Variants in ANKEF1 observed in about 807,000 individuals in gnomAD.
The protein encoded by ANKEF1 is ankyrin repeat and EF-hand domain-containing protein 1.
ANKEF1 carries 43 observed loss-of-function variants against 65.1 expected under a neutral mutation model. The ratio of observed to expected loss-of-function variants is 0.66; its 90% CI spans 0.52 to 0.85. ANKEF1 has a LOEUF of 0.85. Among genes scored for constraint, ANKEF1 ranks in the 40% least tolerant of loss-of-function variants. The probability of loss-of-function intolerance (pLI) is 0.00; values close to 1 mark genes in which losing one functional copy is unlikely to be tolerated. For missense variants in ANKEF1, 934 were observed against 952.9 expected (o/e 0.98, Z 0.26); for synonymous variants, 316 against 341.5 (o/e 0.93, Z 0.82).
intron 6 of ANKEF1, 120 bp downstream of exon 6, chr20:10,045,817 C>T (rs1489781499): frequency 4.4e-5 from 41 of 933,788 alleles, no homozygotes; most frequent in Non-Finnish European, 6.5e-5. Flanking sequence ...CAAAACCTCA[C>T]TCATATGTAG....
In ANKEF1 at chr20:10,044,500, G is replaced by A. The variant is rs1283409503; in HGVS notation, c.653G>A (p.Arg218Lys). 7 of 1,614,068 alleles carry A rather than the reference G, an allele frequency of 4.3e-6. No homozygotes were observed. The Admixed American group carries it at 8.3e-5, about 19-fold the overall frequency. ...GGEVNAFDNDRHHAAHFAAKG... is the reference protein window; with the variant it reads ...GGEVNAFDNDKHHAAHFAAKG... ...GAAGTGAATGCATTTGACAACGACA[G>A]GCATCACGCTGCTCATTTTGCTGCT... is the stretch of plus-strand genomic sequence containing the variant. The change falls in exon 5 of 11, where the codon AGG becomes AAG. Residue 218 changes from arginine (R) to lysine (K), a missense_variant. Physicochemically the swap from Arg to Lys is conservative, Grantham distance 26. Transcript: ENST00000378392.
intron 7 of ANKEF1, among the ~76,000 whole-genome samples, chr20:10,050,869 C>A (rs1232640573): frequency 6.6e-6 from 1 of 152,162 alleles, no homozygotes; most frequent in African/African-American, 2.4e-5. Context: ...GTCCCAAAAC[C>A]TGCTGCCCTC....
intron 5 of ANKEF1, 66 bp from the exon 6 acceptor site, chr20:10,045,508 C>A (rs1984465143): frequency 1.0e-5 from 16 of 1,533,984 alleles, no homozygotes; most frequent in Non-Finnish European, 1.4e-5. Context: ...GCCGGTCTAG[C>A]TGTCAGTCTT....
chr20:10,050,089 C>T lies in ANKEF1; in HGVS notation c.1520C>T (p.Ser507Phe). 1 of 1,614,116 alleles carries T rather than the reference C, an allele frequency of 6.2e-7. No individual in the cohort carries two copies. The highest frequency in any genetic ancestry group is 1.1e-5 in the South Asian group (1 of 91,088). Residue 507 changes from serine (S) to phenylalanine (F), a missense_variant, in exon 7 of 11, where the codon TCT becomes TTT. Physicochemically the swap from Ser to Phe is radical, Grantham distance 155. Coordinates refer to ENST00000378392, the MANE Select transcript of ANKEF1 (RefSeq NM_022096.6). ...ATCACCAAAGCAGGGGATCTGGCTTCTCTGAAAAAGGCCTTTGAATCAGGA... is the reference window on the plus strand; with the variant it reads ...ATCACCAAAGCAGGGGATCTGGCTTTTCTGAAAAAGGCCTTTGAATCAGGA... ...NIITKAGDLA[S>F]LKKAFESGIP...
rs1399070070 is a variant in ANKEF1 at position 10,054,548 on chromosome 20, G to A, written c.2121G>A (p.Leu707=). Reference sequence around the variant, plus strand: ...GTAATGTGGTTCATCTGAATTCATTGATTACCAGTGGTTATACTAAGAAAG... The same window carrying A: ...GTAATGTGGTTCATCTGAATTCATTAATTACCAGTGGTTATACTAAGAAAG... ...QKGNVVHLNS[L]ITSGYTKKVD... Residue 707 remains leucine (L), a synonymous_variant, in exon 10 of 11, where the codon TTG becomes TTA. Transcript: ENST00000378392. 1 of 1,610,164 alleles carries A rather than the reference G, an allele frequency of 6.2e-7. No homozygotes were observed. Among genetic ancestry groups the A allele is most frequent in the African/African-American group, 1.3e-5 (1 of 74,788 alleles).
rs1164783445 is a variant in ANKEF1 at position 10,058,195 on chromosome 20, A to G, written c.*2535A>G. On this transcript the variant is annotated 3_prime_UTR_variant, in exon 11 of 11. Transcript: ENST00000378392. ...AAATTAACTGTAGTACATACTGTAC[A>G]ACTGTAATAATTTCATAGCCACCTC... 1 of 152,208 alleles carries G rather than the reference A, an allele frequency of 6.6e-6. No homozygotes were observed. The highest frequency in any genetic ancestry group is 1.5e-5 in the Non-Finnish European group (1 of 68,020). The allele number at this position is 152,208 out of a possible 1,614,324, so 9.4% of individuals were successfully genotyped here. A position where few individuals can be genotyped will look rare whatever the true frequency, so the allele number is the denominator to read the frequency against.
chr20:10,035,495 G>A (rs1215318830), intron 1 of ANKEF1, 84 bp from the exon 2 acceptor site: 2 of 152,246 alleles, frequency 1.3e-5, no homozygotes, highest in Non-Finnish European at 2.9e-5. Flanking sequence ...ACCCGCAAAA[G>A]TTTGGTGTAT....
chr20:10,037,197 C>A (rs963007095), intron 2 of ANKEF1, among the ~76,000 whole-genome samples: 1 of 152,064 alleles, frequency 6.6e-6, no homozygotes, highest in Non-Finnish European at 1.5e-5. Context: ...AATAAGGTGA[C>A]GGGGGAGAAG....
intron 6 of ANKEF1, among the ~76,000 whole-genome samples, chr20:10,049,093 G>A (rs1440095192): frequency 6.6e-6 from 1 of 152,072 alleles, no homozygotes; most frequent in African/African-American, 2.4e-5. Flanking sequence ...AGTCCCCTGA[G>A]CAAGTGTACC....
intron 4 of ANKEF1, among the ~76,000 whole-genome samples, chr20:10,043,573 G>A (rs1464089733): frequency 6.6e-6 from 1 of 151,452 alleles, no homozygotes; most frequent in Non-Finnish European, 1.5e-5. Context: ...AGTAAAAAAA[G>A]GCATTGCTGA....
chr20:10,043,164 G>T lies in ANKEF1; in HGVS notation c.389G>T (p.Arg130Leu). ...YCILPTKRHYRCALIALEHGA... is the reference protein window; with the variant it reads ...YCILPTKRHYLCALIALEHGA... ...ATTTTACCGACTAAGCGGCATTATC[G>T]CTGTGCTCTGATCGCCCTTGAACAT... Residue 130 changes from arginine to leucine, a missense_variant, in exon 4 of 11, where the codon CGC (arginine) becomes CTC (leucine). Arg to Leu is a moderately radical substitution (Grantham distance 102, BLOSUM62 -2). Transcript: ENST00000378392. The T allele has an allele frequency of 6.2e-7, 1 of 1,614,050 alleles. No individual in the cohort carries two copies.
intron 6 of ANKEF1, among the ~76,000 whole-genome samples, chr20:10,047,292 C>G (rs981149924): frequency 1.3e-5 from 2 of 152,120 alleles, no homozygotes; most frequent in East Asian, 1.9e-4. Flanking sequence ...TATTTTAAAG[C>G]AAATGTTTGA....
intron 4 of ANKEF1, among the ~76,000 whole-genome samples, chr20:10,043,532 T>C (rs1984322686): frequency 1.3e-5 from 2 of 152,184 alleles, no homozygotes; most frequent in African/African-American, 4.8e-5. Flanking sequence ...GTATTTATTA[T>C]GCATAATGTC....
Position 10,057,822 on chromosome 20 carries a change from G to C in ANKEF1, c.*2162G>C, listed in dbSNP as rs868140651. On this transcript the variant is annotated 3_prime_UTR_variant, in exon 11 of 11. Coordinates refer to ENST00000378392, the MANE Select transcript of ANKEF1 (RefSeq NM_022096.6). ...CCAATAATTTCCTTTGTACTCCCAGGTCATGAAATACATTCGCTTGCCCCA... is the reference window on the plus strand; with the variant it reads ...CCAATAATTTCCTTTGTACTCCCAGCTCATGAAATACATTCGCTTGCCCCA... The C allele has an allele frequency of 6.6e-6, 1 of 152,050 alleles. No individual in the cohort carries two copies. Among genetic ancestry groups the C allele is most frequent in the African/African-American group, 2.4e-5 (1 of 41,396 alleles). 9.4% of individuals were successfully genotyped at this position (152,050 alleles called of 1,614,324 possible).
chr20:10,038,108 A>G (rs769640757), intron 2 of ANKEF1, 150 bp from the exon 3 acceptor site: 9 of 434,694 alleles, frequency 2.1e-5, no homozygotes, highest in African/African-American at 1.2e-4. Context: ...TGCCCACTCA[A>G]TATTTTTGAT....
rs1431251216 is a variant in ANKEF1, at chr20:10,038,422, A to G, written c.121A>G (p.Asn41Asp). The change falls in exon 3 of 11, where the codon AAT (asparagine) becomes GAT (aspartate). Residue 41 changes from asparagine (N) to aspartate (D), a missense_variant. By Grantham distance (23) the Asn-to-Asp change is conservative. Coordinates refer to ENST00000378392, the MANE Select transcript of ANKEF1 (RefSeq NM_022096.6). ...CAAGCTTGGATACCCTGAACTAATC[A>G]ATTATACAGAACCCATTAATGGACT... ...LTKLGYPELI[N>D]YTEPINGLSA... is the part of the protein sequence containing the mutation. 6.2e-6 allele frequency: 10 copies of G among 1,614,120 alleles called. No homozygotes were observed. The highest frequency in any genetic ancestry group is 8.5e-6 in the Non-Finnish European group (10 of 1,179,962).
intron 3 of ANKEF1, among the ~76,000 whole-genome samples, chr20:10,042,224 T>A (rs1348077212): frequency 6.6e-6 from 1 of 152,220 alleles, no homozygotes; most frequent in Non-Finnish European, 1.5e-5. Flanking sequence ...TTTAGTTTCT[T>A]TGCTATCATG....
chr20:10,046,697 T>C (rs781621651), intron 6 of ANKEF1, among the ~76,000 whole-genome samples: 24 of 152,312 alleles, frequency 1.6e-4, no homozygotes, highest in Admixed American at 3.3e-4. Context: ...GAACTGTATA[T>C]ATTTTTTCTA....
In ANKEF1 at chr20:10,038,297, C is replaced by A. The variant is rs1345217728; in HGVS notation, c.-5C>A. ...CAGAAAGCATTTTCAAGGAGCTGGT[C>A]AAGCATGGCTTTAGCAGATAAGAGA... On this transcript the variant is annotated 5_prime_UTR_variant, in exon 3 of 11. Transcript: ENST00000378392. 1 of 1,477,384 alleles carries A rather than the reference C, an allele frequency of 6.8e-7. No individual in the cohort carries two copies. The highest frequency in any genetic ancestry group is 1.6e-5 in the South Asian group (1 of 63,852). The allele number at this position is 1,477,384 out of a possible 1,614,324, so 91.5% of individuals were successfully genotyped here. A position where few individuals can be genotyped will look rare whatever the true frequency, so the allele number is the denominator to read the frequency against.
Sources: gnomAD v4.1 joint callset for allele counts (sites outside exome capture counted in the v4.1 genomes callset) on GRCh38, gnomAD v4.1.1 for gene constraint, MANE v1.5 for transcripts, NCBI Gene and HGNC (gene_info 2026-07-23, HGNC 2026-07-21) for gene names.